C12orf54: variants seen among roughly 807,000 people sequenced by gnomAD.
C12orf54 encodes the protein chromosome 12 open reading frame 54, also known as uncharacterized protein C12orf54.
In C12orf54, 24 loss-of-function variants were observed where a neutral mutation model predicts 26.4. The ratio of observed to expected loss-of-function variants is 0.91; its 90% CI spans 0.66 to 1.28. The LOEUF (loss-of-function observed/expected upper bound fraction) is 1.28, where lower values mean the gene tolerates loss of function less well. Among genes scored for constraint, C12orf54 ranks in the 50% most tolerant of loss-of-function variants. C12orf54 has a pLI of 0.00. For synonymous variants in C12orf54, 54 were observed against 47.0 expected (o/e 1.15, Z -0.61); for missense variants, 154 against 150.9 (o/e 1.02, Z -0.11).
chr12:48,414,987 G>A, the C12orf54 span, among the ~76,000 whole-genome samples: 1 of 152,236 alleles, frequency 6.6e-6, no homozygotes, highest in East Asian at 1.9e-4. Context: ...AAGATCACAT[G>A]GATCACTTTA....
At chr12:48,480,535 C>G (rs1304834206), upstream of C12orf54, among the ~76,000 whole-genome samples, 1 of 151,496 alleles carries the variant, frequency 6.6e-6, no homozygotes, top group Non-Finnish European at 1.5e-5. Flanking sequence ...AATGAGACAT[C>G]TCATCTCACA....
chr12:48,482,426 G>T (rs1317409986), upstream of C12orf54: 1 of 152,172 alleles, frequency 6.6e-6, no homozygotes, highest in Non-Finnish European at 1.5e-5. Flanking sequence ...AAAGCAAGTT[G>T]TCCGTCTATG....
chr12:48,444,499 A>T, the C12orf54 span, among the ~76,000 whole-genome samples: 1 of 152,246 alleles, frequency 6.6e-6, no homozygotes, highest in South Asian at 2.1e-4. Flanking sequence ...TGAAAATCTT[A>T]CAAAGGACAT....
the C12orf54 span, among the ~76,000 whole-genome samples, chr12:48,467,034 G>A: frequency 1.1e-4 from 17 of 152,152 alleles, no homozygotes; most frequent in Admixed American, 9.8e-4. Context: ...ACCTGTAAAT[G>A]TGACTTTATT....
chr12:48,422,527 G>A, the C12orf54 span, among the ~76,000 whole-genome samples: 2 of 152,168 alleles, frequency 1.3e-5, no homozygotes, highest in East Asian at 3.9e-4. Context: ...TCTACACTGA[G>A]TAAAAAATGA....
chr12:48,431,502 A>C, the C12orf54 span, among the ~76,000 whole-genome samples: 5 of 152,186 alleles, frequency 3.3e-5, no homozygotes, highest in Non-Finnish European at 7.3e-5. Context: ...AAATTAGATG[A>C]AAAATAGTGA....
intron 4 of C12orf54, chr12:48,488,152 A>G (rs1242174661): frequency 1.0e-5 from 8 of 765,110 alleles, no homozygotes; most frequent in Admixed American, 1.7e-5. Context: ...TTCTACTGGA[A>G]CCTTATGAAT....
At chr12:48,469,444 T>C in the C12orf54 span, among the ~76,000 whole-genome samples, 50,129 of 152,174 alleles carry the variant, frequency 0.33, 10,379 homozygotes, top group Middle Eastern at 0.48. Flanking sequence ...TCAGACTTTA[T>C]GGTTATCTCC....
At chr12:48,473,467 G>C in the C12orf54 span, 1 of 497,648 alleles carries the variant, frequency 2.0e-6, no homozygotes, top group Admixed American at 2.8e-5. Flanking sequence ...GTTTTTAGCC[G>C]TATCCCCTCC....
the C12orf54 span, among the ~76,000 whole-genome samples, chr12:48,471,550 C>A: frequency 1.3e-5 from 2 of 152,158 alleles, no homozygotes; most frequent in African/African-American, 2.4e-5. Flanking sequence ...TGGTTTCATT[C>A]TTCTGCATAT....
At chr12:48,433,793 T>C in the C12orf54 span, among the ~76,000 whole-genome samples, 2 of 152,120 alleles carry the variant, frequency 1.3e-5, no homozygotes, top group Non-Finnish European at 2.9e-5. Context: ...GGAGCCAAGA[T>C]GGCCAAATAG....
At chr12:48,446,777 A>G in the C12orf54 span, among the ~76,000 whole-genome samples, 1 of 152,212 alleles carries the variant, frequency 6.6e-6, no homozygotes, top group African/African-American at 2.4e-5. Flanking sequence ...GCAATCAATA[A>G]TAATTCAAAT....
At chr12:48,461,409 C>A in the C12orf54 span, among the ~76,000 whole-genome samples, 1 of 151,806 alleles carries the variant, frequency 6.6e-6, no homozygotes. Context: ...TTATGTAATT[C>A]TCCACCCAAC....
chr12:48,472,112 A>T, the C12orf54 span, among the ~76,000 whole-genome samples: 1 of 152,012 alleles, frequency 6.6e-6, no homozygotes, highest in African/African-American at 2.4e-5. Context: ...GGCTATTGTA[A>T]ATGGGGTTGT....
the C12orf54 span, among the ~76,000 whole-genome samples, chr12:48,474,754 C>G: frequency 6.6e-6 from 1 of 152,252 alleles, no homozygotes. Context: ...CCGGGAAGCA[C>G]GAACTGGGTG....
intron 7 of C12orf54, among the ~76,000 whole-genome samples, chr12:48,494,091 T>C (rs1224568879): frequency 1.7e-5 from 2 of 119,708 alleles, no homozygotes; most frequent in Admixed American, 9.3e-5. Context: ...TGGTGGCAGG[T>C]GCCTGTAACC....
At chr12:48,493,863 G>A in intron 7 of C12orf54, among the ~76,000 whole-genome samples, 1 of 151,638 alleles carries the variant, frequency 6.6e-6, no homozygotes, top group South Asian at 2.1e-4. Flanking sequence ...AATAGGACTA[G>A]GTAGTCAAGA....
At chr12:48,435,325 G>A in the C12orf54 span, among the ~76,000 whole-genome samples, 1 of 152,176 alleles carries the variant, frequency 6.6e-6, no homozygotes, top group Non-Finnish European at 1.5e-5. Flanking sequence ...GAACCAAGTT[G>A]GAAAACACTC....
chr12:48,493,442 G>A (rs1341575925), intron 7 of C12orf54, among the ~76,000 whole-genome samples: 1 of 151,882 alleles, frequency 6.6e-6, no homozygotes, highest in African/African-American at 2.4e-5. Flanking sequence ...TCGACACAGT[G>A]AGACCTGTCT....
Sources: gnomAD v4.1 joint callset for allele counts (sites outside exome capture counted in the v4.1 genomes callset) on GRCh38, gnomAD v4.1.1 for gene constraint, MANE v1.5 for transcripts, NCBI Gene and HGNC (gene_info 2026-07-23, HGNC 2026-07-21) for gene names.